Variants in SAMD12 observed in about 807,000 individuals in gnomAD.
The protein encoded by SAMD12 is sterile alpha motif domain containing 12.
In SAMD12, 9 loss-of-function variants were observed where a neutral mutation model predicts 15.0. The observed-to-expected ratio is 0.60, with a 90% CI of 0.36 to 1.05. The LOEUF (loss-of-function observed/expected upper bound fraction) is 1.05. SAMD12 is among the 50% of genes least tolerant of loss of function. The pLI is 0.01. For synonymous variants in SAMD12, 86 were observed against 90.1 expected (o/e 0.96, Z 0.25); for missense variants, 230 against 234.2 (o/e 0.98, Z 0.12).
At chr8:118,540,521 T>C (rs888286607) in intron 2 of SAMD12, among the ~76,000 whole-genome samples, 1 of 152,176 alleles carries the variant, frequency 6.6e-6, no homozygotes, top group Non-Finnish European at 1.5e-5. Flanking sequence ...GTGTTGGCTA[T>C]GTGAAAATCA....
chr8:118,459,757 T>G (rs1162881430), intron 2 of SAMD12, among the ~76,000 whole-genome samples: 1 of 152,240 alleles, frequency 6.6e-6, no homozygotes, highest in Non-Finnish European at 1.5e-5. Flanking sequence ...TACCGTTCTC[T>G]GTAGAATAAC....
At chr8:118,324,615 T>G (rs1170550539) in intron 4 of SAMD12, among the ~76,000 whole-genome samples, 1 of 152,030 alleles carries the variant, frequency 6.6e-6, no homozygotes, top group African/African-American at 2.4e-5. Context: ...GCTGTGAACT[T>G]AAAGTAGGGG....
chr8:118,570,175 G>C (rs1475929300), intron 2 of SAMD12, among the ~76,000 whole-genome samples: 1 of 152,114 alleles, frequency 6.6e-6, no homozygotes, highest in Non-Finnish European at 1.5e-5. Flanking sequence ...AACGCTAGAG[G>C]GTAGCAGAAG....
chr8:118,321,164 T>TATATATATATATATATAC (rs1563761555), intron 4 of SAMD12, among the ~76,000 whole-genome samples: 3 of 81,614 alleles, frequency 3.7e-5, no homozygotes, highest in African/African-American at 1.5e-4. Context: ...TATATATATA[T>TATATATATATATATATAC]ATATATATAT....
chr8:118,311,674 T>A (rs1478922646), intron 4 of SAMD12, among the ~76,000 whole-genome samples: 1 of 152,204 alleles, frequency 6.6e-6, no homozygotes, highest in Non-Finnish European at 1.5e-5. Context: ...CAGAAAAGAA[T>A]GTTCTTTTTG....
intron 2 of SAMD12, among the ~76,000 whole-genome samples, chr8:118,517,051 C>T (rs1825263625): frequency 6.6e-6 from 1 of 152,164 alleles, no homozygotes; most frequent in Admixed American, 6.5e-5. Context: ...GAGAATCTTC[C>T]TTTTTTGGCT....
At chr8:118,435,952 A>G (rs913170688) in intron 3 of SAMD12, among the ~76,000 whole-genome samples, 6 of 152,244 alleles carry the variant, frequency 3.9e-5, no homozygotes, top group African/African-American at 1.4e-4. Flanking sequence ...CACCTTATCC[A>G]CAGTGGTTAG....
chr8:118,579,909 G>C (rs1404866285), intron 2 of SAMD12, among the ~76,000 whole-genome samples: 1 of 152,138 alleles, frequency 6.6e-6, no homozygotes, highest in Non-Finnish European at 1.5e-5. Context: ...CAAATATCCA[G>C]ATAGTGCCAG....
chr8:118,585,216 G>A (rs992613400), intron 1 of SAMD12, among the ~76,000 whole-genome samples: 1 of 152,158 alleles, frequency 6.6e-6, no homozygotes, highest in Non-Finnish European at 1.5e-5. Context: ...ACTATTGGAC[G>A]ATTCACTTAT....
intron 2 of SAMD12, among the ~76,000 whole-genome samples, chr8:118,570,040 T>G (rs914530164): frequency 5.9e-5 from 9 of 152,184 alleles, no homozygotes; most frequent in African/African-American, 2.2e-4. Flanking sequence ...TCCATTTCCT[T>G]CAAGTTTGGG....
At chr8:118,368,367 T>G (rs551250932) in intron 4 of SAMD12, among the ~76,000 whole-genome samples, 2 of 152,304 alleles carry the variant, frequency 1.3e-5, no homozygotes, top group Admixed American at 6.5e-5. Context: ...TCCAAAATCC[T>G]TATCTACCAT....
chr8:118,322,500 T>G (rs1375828918), intron 4 of SAMD12, among the ~76,000 whole-genome samples: 1 of 152,264 alleles, frequency 6.6e-6, no homozygotes, highest in Non-Finnish European at 1.5e-5. Context: ...AGTCATGTTC[T>G]GGAGCTGGTG....
At chr8:118,439,158 C>T (rs1391055934) in intron 3 of SAMD12, among the ~76,000 whole-genome samples, 1 of 152,202 alleles carries the variant, frequency 6.6e-6, no homozygotes, top group Non-Finnish European at 1.5e-5. Context: ...CTTTCAAGTA[C>T]TTACTGACCT....
intron 2 of SAMD12, among the ~76,000 whole-genome samples, chr8:118,548,629 T>C (rs1826213081): frequency 6.6e-6 from 1 of 152,192 alleles, no homozygotes; most frequent in South Asian, 2.1e-4. Context: ...TGCATTTTCA[T>C]CTGAGGTACC....
intron 1 of SAMD12, among the ~76,000 whole-genome samples, chr8:118,585,808 T>C (rs2460961): frequency 6.6e-6 from 1 of 152,152 alleles, no homozygotes; most frequent in East Asian, 1.9e-4. Context: ...CATTCTCATG[T>C]GATTTAGGTG....
At chr8:118,397,896 G>T (rs1176338840) in intron 3 of SAMD12, among the ~76,000 whole-genome samples, 1 of 152,102 alleles carries the variant, frequency 6.6e-6, no homozygotes, top group Non-Finnish European at 1.5e-5. Flanking sequence ...GGGCTCAAGC[G>T]ATCCTCCCAT....
chr8:118,487,739 A>G (rs1157689464), intron 2 of SAMD12, among the ~76,000 whole-genome samples: 2 of 152,234 alleles, frequency 1.3e-5, no homozygotes, highest in Non-Finnish European at 2.9e-5. Flanking sequence ...GATGAAAAGT[A>G]ACTTGCTCAG....
At chr8:118,513,143 G>A (rs1308347013) in intron 2 of SAMD12, among the ~76,000 whole-genome samples, 2 of 152,038 alleles carry the variant, frequency 1.3e-5, no homozygotes, top group East Asian at 3.9e-4. Flanking sequence ...CTACATAGTT[G>A]ATGCATTTCA....
At chr8:118,188,909 C>A (rs1235182344), downstream of SAMD12, among the ~76,000 whole-genome samples, 2 of 152,092 alleles carry the variant, frequency 1.3e-5, no homozygotes, top group African/African-American at 4.8e-5. Flanking sequence ...ATCCGAGTCT[C>A]TTGGGCAGAT....
Sources: allele counts gnomAD v4.1 joint callset (sites outside exome capture counted in the v4.1 genomes callset), GRCh38; gene constraint gnomAD v4.1.1; transcripts MANE v1.5; gene names NCBI Gene and HGNC (gene_info 2026-07-23, HGNC 2026-07-21).